Variants in BMERB1 observed in about 807,000 individuals in gnomAD.
BMERB1 encodes bMERB domain containing 1.
A neutral mutation model predicts 23.6 loss-of-function variants in BMERB1; 12 were observed. The observed-to-expected ratio is 0.51, with a 90% CI of 0.33 to 0.82. The LOEUF (loss-of-function observed/expected upper bound fraction) is 0.82. Among genes scored for constraint, BMERB1 ranks in the 40% least tolerant of loss-of-function variants. The pLI, the probability that BMERB1 is intolerant of heterozygous loss-of-function variation, is 0.03. For synonymous variants in BMERB1, 122 were observed against 96.6 expected (o/e 1.26, Z -1.54); for missense variants, 247 against 255.4 (o/e 0.97, Z 0.22).
chr16:15,561,093 T>A (rs1279301815), intron 2 of BMERB1, among the ~76,000 whole-genome samples: 1 of 149,832 alleles, frequency 6.7e-6, no homozygotes, highest in Non-Finnish European at 1.5e-5. Flanking sequence ...TAGCTGGGAT[T>A]ACAGGCGCCC....
intron 1 of BMERB1, 141 bp from the exon 2 acceptor site, chr16:15,515,164 C>T: frequency 9.1e-7 from 1 of 1,103,746 alleles, no homozygotes; most frequent in Non-Finnish European, 1.3e-6. Flanking sequence ...CTCACGAATA[C>T]ACATTTGTGG....
intron 2 of BMERB1, among the ~76,000 whole-genome samples, chr16:15,553,018 T>C (rs914218816): frequency 1.3e-5 from 2 of 151,748 alleles, no homozygotes; most frequent in Non-Finnish European, 2.9e-5. Flanking sequence ...CTACCAGACA[T>C]TTTTTTTGAG....
chr16:15,552,919 A>G (rs1421788241), intron 2 of BMERB1, among the ~76,000 whole-genome samples: 1 of 152,154 alleles, frequency 6.6e-6, no homozygotes. Flanking sequence ...CACCCCTGTT[A>G]TCTCAGTACT....
intron 3 of BMERB1, among the ~76,000 whole-genome samples, chr16:15,580,705 A>G (rs1054986064): frequency 3.3e-5 from 5 of 149,976 alleles, no homozygotes; most frequent in Non-Finnish European, 7.4e-5. Context: ...CCGCCACCAC[A>G]CCCGGCGAAT....
At chr16:15,498,228 G>A (rs1214430194) in intron 1 of BMERB1, among the ~76,000 whole-genome samples, 1 of 151,838 alleles carries the variant, frequency 6.6e-6, no homozygotes, top group Non-Finnish European at 1.5e-5. Context: ...TGTGCCCTGG[G>A]AGCACAATAA....
At chr16:15,568,438 G>A (rs1047089865) in intron 3 of BMERB1, among the ~76,000 whole-genome samples, 20 of 152,024 alleles carry the variant, frequency 1.3e-4, no homozygotes, top group African/African-American at 3.6e-4. Flanking sequence ...AGGAGTTTGA[G>A]GCCAGCCTGG....
Position 15,583,083 on chromosome 16 carries a change from T to G in BMERB1, c.420-73T>G, listed in dbSNP as rs1263374992. 5.1e-6 allele frequency: 6 copies of G among 1,169,646 alleles called. No homozygotes were observed. The South Asian group carries it at 6.1e-5, about 12-fold the overall frequency. 72.5% of individuals were successfully genotyped at this position (1,169,646 alleles called of 1,614,324 possible). Reference sequence around the variant, plus strand: ...AAGCCTGTTGCTTAACCTATTGGTTTATTTCATTGGTTCCTTGATGCTTTC... The same window carrying G: ...AAGCCTGTTGCTTAACCTATTGGTTGATTTCATTGGTTCCTTGATGCTTTC... On this transcript the variant is annotated intron_variant, in intron 4 of 5. Transcript: ENST00000300006.
At chr16:15,541,459 A>C (rs1598506776) in intron 2 of BMERB1, among the ~76,000 whole-genome samples, 3 of 119,840 alleles carry the variant, frequency 2.5e-5, no homozygotes, top group East Asian at 2.4e-4. Flanking sequence ...ACAGGGTCTC[A>C]CTCTGTCACC....
intron 2 of BMERB1, among the ~76,000 whole-genome samples, chr16:15,527,992 C>T (rs1225915961): frequency 6.6e-6 from 1 of 152,178 alleles, no homozygotes; most frequent in Admixed American, 6.5e-5. Context: ...TCCATGGCCA[C>T]CACCCAGGTT....
intron 1 of BMERB1, among the ~76,000 whole-genome samples, chr16:15,472,418 C>G (rs2051236963): frequency 1.3e-5 from 2 of 152,200 alleles, no homozygotes; most frequent in Non-Finnish European, 2.9e-5. Flanking sequence ...TTGTTTCATG[C>G]ATCTTCAGAC....
chr16:15,466,413 C>T (rs2051181114), intron 1 of BMERB1, among the ~76,000 whole-genome samples: 1 of 151,814 alleles, frequency 6.6e-6, no homozygotes, highest in African/African-American at 2.4e-5. Context: ...TACCCTTTTG[C>T]CCTTTTTTTT....
At chr16:15,522,051 A>C (rs1213708553) in intron 2 of BMERB1, among the ~76,000 whole-genome samples, 1 of 152,152 alleles carries the variant, frequency 6.6e-6, no homozygotes, top group Non-Finnish European at 1.5e-5. Context: ...CTAGTCTACC[A>C]ACCCGCTCCT....
At chr16:15,511,350 A>C (rs1010597627) in intron 1 of BMERB1, among the ~76,000 whole-genome samples, 7 of 151,970 alleles carry the variant, frequency 4.6e-5, no homozygotes, top group African/African-American at 1.7e-4. Flanking sequence ...AGGCTCGGCC[A>C]GGTGGCCAGA....
intron 2 of BMERB1, among the ~76,000 whole-genome samples, chr16:15,519,081 A>ACG (rs1343516736): frequency 1.4e-5 from 2 of 138,558 alleles, no homozygotes; most frequent in African/African-American, 6.2e-5. Context: ...TCTTACACAC[A>ACG]CACACACACA....
chr16:15,510,506 G>A (rs994520243), intron 1 of BMERB1, among the ~76,000 whole-genome samples: 2 of 152,124 alleles, frequency 1.3e-5, no homozygotes, highest in Admixed American at 6.5e-5. Context: ...ACGTGCCGGG[G>A]TAATTCATCC....
chr16:15,502,563 T>TC (rs1316163823), intron 1 of BMERB1, among the ~76,000 whole-genome samples: 1 of 152,182 alleles, frequency 6.6e-6, no homozygotes, highest in Admixed American at 6.5e-5. Flanking sequence ...ACTTGGTGCA[T>TC]CCCGTAATAG....
intron 2 of BMERB1, among the ~76,000 whole-genome samples, chr16:15,539,616 G>A (rs569049090): frequency 2.6e-4 from 39 of 152,174 alleles, no homozygotes; most frequent in African/African-American, 8.7e-4. Context: ...GGCCTAGGTG[G>A]GAGGATCATG....
At chr16:15,494,373 AGCAT>A (rs2051452964) in intron 1 of BMERB1, among the ~76,000 whole-genome samples, 1 of 152,124 alleles carries the variant, frequency 6.6e-6, no homozygotes, top group Non-Finnish European at 1.5e-5. Flanking sequence ...GAAATATGAC[AGCAT>A]GGTTTGGTGA....
chr16:15,441,626 C>T (rs985537845), intron 1 of BMERB1, among the ~76,000 whole-genome samples: 1 of 152,066 alleles, frequency 6.6e-6, no homozygotes, highest in African/African-American at 2.4e-5. Context: ...GATCCACCTG[C>T]CTCAGCCTCC....
Sources: gnomAD v4.1 joint callset for allele counts (sites outside exome capture counted in the v4.1 genomes callset) on GRCh38, gnomAD v4.1.1 for gene constraint, MANE v1.5 for transcripts, NCBI Gene and HGNC (gene_info 2026-07-23, HGNC 2026-07-21) for gene names.